AP2A1: variants seen among roughly 807,000 people sequenced by gnomAD.
AP2A1 encodes adaptor related protein complex 2 subunit alpha 1.
Under a neutral mutation model 107.3 loss-of-function variants are expected in AP2A1, and 21 were observed. That is an observed-to-expected ratio of 0.20 (90% confidence interval 0.14 to 0.28). The LOEUF (loss-of-function observed/expected upper bound fraction) is 0.28, where lower values mean the gene tolerates loss of function less well. Ranked by LOEUF, AP2A1 falls within the 10% of genes least tolerant of loss-of-function variation. The pLI is 1.00. For missense variants in AP2A1, 873 were observed against 1,307.7 expected (o/e 0.67, Z 5.13); for synonymous variants, 602 against 564.8 (o/e 1.07, Z -0.93).
intron 4 of AP2A1, among the ~76,000 whole-genome samples, chr19:49,784,878 C>A (rs1250398847): frequency 6.6e-6 from 1 of 151,378 alleles, no homozygotes; most frequent in African/African-American, 2.4e-5. Flanking sequence ...AACAAACAAA[C>A]AAAAAAAACC....
chr19:49,778,383 G>A (rs577992211), intron 1 of AP2A1, among the ~76,000 whole-genome samples: 31 of 152,302 alleles, frequency 2.0e-4, no homozygotes, highest in African/African-American at 7.5e-4. Context: ...AGGAGTTTGA[G>A]ACCAGCCTGG....
rs760204207 is a variant in AP2A1 at position 49,798,936 on chromosome 19, A to G, written c.949A>G (p.Ile317Val). ...CATCCTCTTCGAGACCATCAGCCTC[A>G]TCATCCACTATGACAGGTGCCCGCC... ...NAILFETISL[I>V]IHYDSEPNLL... Residue 317 changes from isoleucine to valine, a missense_variant, in exon 8 of 23, where the codon ATC (isoleucine) becomes GTC (valine). Physicochemically the swap from Ile to Val is conservative, Grantham distance 29. Transcript: ENST00000354293. The G allele has an allele frequency of 1.0e-5, 16 of 1,552,686 alleles. No individual in the cohort carries two copies. Among genetic ancestry groups the G allele is most frequent in the African/African-American group, 1.4e-5 (1 of 73,104 alleles).
At chr19:49,803,691 C>T (rs2073322416) in intron 18 of AP2A1, 2 of 415,100 alleles carry the variant, frequency 4.8e-6, no homozygotes, top group Non-Finnish European at 4.5e-6. Context: ...GATGCCAGCA[C>T]CGCCTGCACT....
In AP2A1 at chr19:49,803,277, C is replaced by T. The variant is rs78107455; in HGVS notation, c.2255-10C>T. The T allele has an allele frequency of 0.01, 16,575 of 1,613,754 alleles. 613 individuals are homozygous for T. The East Asian group carries it at 0.11, about 11-fold the overall frequency. ...CTCAGATGGAGCTCTGCCTCCCCCA[C>T]CTACTGCAGGCCGCATGTATCTCTT... On this transcript the variant is annotated splice_polypyrimidine_tract_variant and intron_variant, in intron 17 of 22. Coordinates refer to ENST00000354293, the MANE Select transcript of AP2A1 (RefSeq NM_130787.3).
In AP2A1 at chr19:49,767,133, C is replaced by A. The variant is rs1568571204; in HGVS notation, c.-1C>A. On this transcript the variant is annotated 5_prime_UTR_variant, in exon 1 of 23. Transcript: ENST00000354293. ...GGCCTGGAGCCGACACCACCGCCATCATGCCGGCCGTGTCCAAGGGCGATG... is the reference window on the plus strand; with the variant it reads ...GGCCTGGAGCCGACACCACCGCCATAATGCCGGCCGTGTCCAAGGGCGATG... 1 of 1,611,432 alleles carries A rather than the reference C, an allele frequency of 6.2e-7. No homozygotes were observed. Among genetic ancestry groups the A allele is most frequent in the South Asian group, 1.1e-5 (1 of 91,026 alleles).
chr19:49,802,980 C>A lies in AP2A1; in HGVS notation c.2146C>A (p.Pro716Thr), dbSNP rs1364156306. The part of the protein sequence containing the change: ...PGPEDIGPPI[P>T]EADELLNKFV... The stretch of plus-strand genomic sequence containing the variant: ...TCCTGAGGACATCGGCCCTCCCATT[C>A]CGGAAGCCGATGAGTTGCTGAATAA... Residue 716 changes from proline (P) to threonine (T), a missense_variant, in exon 16 of 23, where the codon CCG becomes ACG. Transcript: ENST00000354293. 1.2e-6 allele frequency: 2 copies of A among 1,613,372 alleles called. No homozygotes were observed. The highest frequency in any genetic ancestry group is 1.3e-5 in the African/African-American group (1 of 74,924).
chr19:49,767,554 G>A (rs1415367127), intron 1 of AP2A1, among the ~76,000 whole-genome samples: 1 of 152,134 alleles, frequency 6.6e-6, no homozygotes, highest in Non-Finnish European at 1.5e-5. Context: ...ATGTAGAGAA[G>A]AAGTGAAAGA....
chr19:49,786,004 C>T (rs1243927002), intron 4 of AP2A1, among the ~76,000 whole-genome samples: 2 of 152,014 alleles, frequency 1.3e-5, no homozygotes, highest in South Asian at 2.1e-4. Context: ...CGCATAAACC[C>T]GGGGGGCAGA....
rs368863448 is a variant in AP2A1 at position 49,801,858 on chromosome 19, A to T, written c.1922A>T (p.Asn641Ile). The change falls in exon 14 of 23, where the codon AAC becomes ATC. Residue 641 changes from asparagine to isoleucine, a missense_variant. Coordinates refer to ENST00000354293, the MANE Select transcript of AP2A1 (RefSeq NM_130787.3). ...AGGGACCCCAGCAGCAACGACATCA[A>T]CGGGGGCATGGAGCCCACCCCCAGC... is the stretch of plus-strand genomic sequence containing the variant. ...GRRDPSSNDI[N>I]GGMEPTPSTV... The T allele has an allele frequency of 6.6e-7, 1 of 1,504,582 alleles. No individual in the cohort carries two copies. The highest frequency in any genetic ancestry group is 2.3e-5 in the East Asian group (1 of 42,858). 93.2% of individuals were successfully genotyped at this position (1,504,582 alleles called of 1,614,324 possible).
chr19:49,771,643 G>A (rs780950806), intron 1 of AP2A1, among the ~76,000 whole-genome samples: 2 of 151,954 alleles, frequency 1.3e-5, no homozygotes, highest in Admixed American at 6.6e-5. Flanking sequence ...TCCTGATCTC[G>A]AGTGATCTGC....
chr19:49,789,125 C>A (rs540276130), intron 4 of AP2A1, among the ~76,000 whole-genome samples: 2 of 152,282 alleles, frequency 1.3e-5, no homozygotes, highest in Middle Eastern at 3.4e-3. Context: ...CTGCCACAGG[C>A]CTTTGACTCG....
At chr19:49,783,366 C>T (rs552529128) in intron 4 of AP2A1, among the ~76,000 whole-genome samples, 7 of 152,070 alleles carry the variant, frequency 4.6e-5, no homozygotes, top group East Asian at 3.9e-4. Flanking sequence ...TGGCGTGCAC[C>T]TATAGTCCCA....
At chr19:49,799,934 G>GCGGCACACTCTCTCTCACACGC in intron 10 of AP2A1, 34 bp from the exon 11 acceptor site, 1 of 1,606,452 alleles carries the variant, frequency 6.2e-7, no homozygotes, top group South Asian at 1.1e-5. Flanking sequence ...GACATGGCCT[G>GCGGCACACTCTCTCTCACACGC]CGGCACACTC....
rs2123733422 is a variant in AP2A1, at chr19:49,795,732, C to T, written c.808C>T (p.Pro270Ser). ...KLLRLLQCYP[P>S]PEDAAVKGRL... is the part of the protein sequence containing the mutation. The stretch of plus-strand genomic sequence containing the variant: ...CCTGCGGCTGCTGCAGTGCTACCCG[C>T]CTCCAGGTAATGAACGCCGTGCACT... Residue 270 changes from proline (P) to serine (S), a missense_variant, in exon 7 of 23, where the codon CCT becomes TCT. Transcript: ENST00000354293. The T allele has an allele frequency of 1.3e-6, 2 of 1,552,786 alleles. No individual in the cohort carries two copies. Among genetic ancestry groups the T allele is most frequent in the Non-Finnish European group, 1.7e-6 (2 of 1,148,688 alleles).
intron 5 of AP2A1, 105 bp from the exon 6 acceptor site, chr19:49,792,886 T>C (rs1219213458): frequency 3.0e-6 from 3 of 996,870 alleles, no homozygotes; most frequent in Admixed American, 2.1e-5. Context: ...CTAAACCCCA[T>C]CTTCCCGACT....
In AP2A1 at chr19:49,802,747, C is replaced by T. The variant is rs548562672; in HGVS notation, c.2115-202C>T. On this transcript the variant is annotated intron_variant, in intron 15 of 22. Transcript: ENST00000354293. ...GAGGAAAGGGAAACTTGGTGTCTGC[C>T]GATGCGGGGGCACGGGCCAGGGTTC... is the stretch of plus-strand genomic sequence containing the variant. The T allele has an allele frequency of 2.9e-5, 30 of 1,035,468 alleles. No homozygotes were observed. The South Asian group carries it at 4.4e-4, about 15-fold the overall frequency. The allele number at this position is 1,035,468 out of a possible 1,614,324, so 64.1% of individuals were successfully genotyped here. A position where few individuals can be genotyped will look rare whatever the true frequency, so the allele number is the denominator to read the frequency against.
chr19:49,802,779 C>T, intron 15 of AP2A1, 170 bp from the exon 16 acceptor site: 1 of 1,003,556 alleles, frequency 1.0e-6, no homozygotes, highest in Non-Finnish European at 1.5e-6. Context: ...GTTCTATTCC[C>T]ATTGGAGGCC....
chr19:49,805,816 C>CTGGG, intron 20 of AP2A1, 39 bp downstream of exon 20: 2 of 625,734 alleles, frequency 3.2e-6, no homozygotes, highest in Non-Finnish European at 5.7e-6. Context: ...AGCCGCGCCT[C>CTGGG]TGGGTGGGCG....
intron 6 of AP2A1, among the ~76,000 whole-genome samples, chr19:49,794,002 G>A (rs1015539932): frequency 1.5e-5 from 2 of 136,768 alleles, no homozygotes; most frequent in African/African-American, 2.7e-5. Context: ...CCAGGTTCAC[G>A]CCATTCTCCA....
Sources: allele counts gnomAD v4.1 joint callset (sites outside exome capture counted in the v4.1 genomes callset), GRCh38; gene constraint gnomAD v4.1.1; transcripts MANE v1.5; gene names NCBI Gene and HGNC (gene_info 2026-07-23, HGNC 2026-07-21).